Variants in KLHL5 observed in about 807,000 individuals in gnomAD.
KLHL5 encodes kelch like family member 5, also known as kelch-like protein 5.
Under a neutral mutation model 77.7 loss-of-function variants are expected in KLHL5, and 48 were observed. The ratio of observed to expected loss-of-function variants is 0.62; its 90% CI spans 0.49 to 0.79. The LOEUF is 0.79. KLHL5 is among the 30% of genes least tolerant of loss of function. KLHL5 has a pLI of 0.00. For synonymous variants in KLHL5, 260 were observed against 297.0 expected, an observed-to-expected ratio of 0.88 and a Z score of 1.28; for missense variants, 723 against 859.7, an observed-to-expected ratio of 0.84 and a Z score of 1.99.
Position 39,062,907 on chromosome 4 carries a change from A to G in KLHL5, c.255A>G (p.Ala85=), listed in dbSNP as rs1359424387. Residue 85 remains alanine (A), a synonymous_variant, in exon 1 of 11, where the codon GCA becomes GCG. Transcript: ENST00000504108. ...AGAATTCACCTTCTTGGCCAATGGC[A>G]TCCACCTCTGAAGTCCCTGCATTTG... ...DFQNSPSWPM[A]STSEVPAFEF... The G allele has an allele frequency of 5.6e-6, 9 of 1,614,196 alleles. No homozygotes were observed. The highest frequency in any genetic ancestry group is 6.8e-6 in the Non-Finnish European group (8 of 1,180,020).
At chr4:39,059,207 G>A (rs1047879415), upstream of KLHL5, among the ~76,000 whole-genome samples, 1 of 151,944 alleles carries the variant, frequency 6.6e-6, no homozygotes, top group Admixed American at 6.6e-5. Flanking sequence ...ATGCCATAAA[G>A]GCATTAATGT....
At chr4:39,049,658 C>G (rs904545562) in intron 1 of KLHL5, among the ~76,000 whole-genome samples, 2 of 151,632 alleles carry the variant, frequency 1.3e-5, no homozygotes, top group Admixed American at 1.3e-4. Flanking sequence ...ATGATCAGGC[C>G]ACTGCCCTCC....
chr4:39,050,823 G>A (rs903522742), intron 1 of KLHL5, among the ~76,000 whole-genome samples: 1 of 152,230 alleles, frequency 6.6e-6, no homozygotes, highest in African/African-American at 2.4e-5. Flanking sequence ...GGCTGATTAT[G>A]ATAATCAGGA....
chr4:39,142,509 C>G, the KLHL5 span, among the ~76,000 whole-genome samples: 1 of 152,036 alleles, frequency 6.6e-6, no homozygotes, highest in South Asian at 2.1e-4. Flanking sequence ...GGAGAAGCAC[C>G]CAGCTGTTCC....
intron 6 of KLHL5, among the ~76,000 whole-genome samples, chr4:39,102,942 C>G (rs992706565): frequency 1.3e-5 from 2 of 152,174 alleles, no homozygotes; most frequent in African/African-American, 4.8e-5. Context: ...CAGTAGGATA[C>G]TGTTAGCAGA....
At chr4:39,062,190 A>G, upstream of KLHL5, 3 of 956,912 alleles carry the variant, frequency 3.1e-6, no homozygotes, top group Non-Finnish European at 3.8e-6. Flanking sequence ...TTATTGTTTC[A>G]GCAATGAAAG....
intron 2 of KLHL5, among the ~76,000 whole-genome samples, chr4:39,076,491 G>A (rs1719055623): frequency 1.3e-5 from 2 of 152,104 alleles, no homozygotes; most frequent in South Asian, 4.1e-4. Context: ...ATATTTAGAA[G>A]AAGAAAAGCT....
intron 1 of KLHL5, among the ~76,000 whole-genome samples, chr4:39,072,080 C>T (rs1718528845): frequency 1.3e-5 from 2 of 152,000 alleles, no homozygotes; most frequent in Non-Finnish European, 2.9e-5. Context: ...ACTGAGTTTA[C>T]TAAAAGCCAT....
chr4:39,130,982 A>G (rs962330390), downstream of KLHL5, among the ~76,000 whole-genome samples: 1 of 150,530 alleles, frequency 6.6e-6, no homozygotes, highest in Non-Finnish European at 1.5e-5. Flanking sequence ...ACCTGGGACT[A>G]CAGGCATGCA....
downstream of KLHL5, among the ~76,000 whole-genome samples, chr4:39,127,679 G>C (rs1239095374): frequency 6.6e-6 from 1 of 151,996 alleles, no homozygotes; most frequent in Non-Finnish European, 1.5e-5. Context: ...TACCCAGGCT[G>C]GTTTCAGACT....
chr4:39,092,700 A>T (rs903868625), intron 5 of KLHL5, among the ~76,000 whole-genome samples: 2 of 152,178 alleles, frequency 1.3e-5, no homozygotes, highest in Non-Finnish European at 2.9e-5. Flanking sequence ...TAGTTTCCAA[A>T]TACCACCAAC....
chr4:39,073,630 G>T (rs1159932885), intron 1 of KLHL5, among the ~76,000 whole-genome samples: 1 of 151,518 alleles, frequency 6.6e-6, no homozygotes, highest in Non-Finnish European at 1.5e-5. Context: ...AAATCTTCAA[G>T]TTATTATTAT....
intron 8 of KLHL5, among the ~76,000 whole-genome samples, chr4:39,108,962 C>G (rs1722243823): frequency 6.6e-6 from 1 of 151,952 alleles, no homozygotes; most frequent in Non-Finnish European, 1.5e-5. Context: ...ACTTACTTAC[C>G]TTTTCTTGCC....
chr4:39,113,287 T>C (rs1031689498), intron 9 of KLHL5, 55 bp downstream of exon 9: 4 of 1,361,166 alleles, frequency 2.9e-6, no homozygotes, highest in Non-Finnish European at 4.1e-6. Flanking sequence ...AAGTCTCTGA[T>C]ACTTACATAT....
intron 5 of KLHL5, 24 bp downstream of exon 5, chr4:39,086,751 A>G: frequency 1.9e-6 from 3 of 1,557,760 alleles, no homozygotes; most frequent in Non-Finnish European, 2.7e-6. Flanking sequence ...ACTTGTTTAT[A>G]GGAATTTTTC....
intron 1 of KLHL5, among the ~76,000 whole-genome samples, chr4:39,054,607 A>G (rs1716886974): frequency 6.6e-6 from 1 of 152,232 alleles, no homozygotes; most frequent in African/African-American, 2.4e-5. Flanking sequence ...AGGTGAAGTG[A>G]TTTGCCCAAA....
At chr4:39,130,477 G>A (rs1367212302), downstream of KLHL5, among the ~76,000 whole-genome samples, 2 of 152,184 alleles carry the variant, frequency 1.3e-5, no homozygotes, top group East Asian at 1.9e-4. Context: ...ACATGTCACA[G>A]TGCTGCAGAG....
rs143433133 is a variant in KLHL5 at position 39,081,208 on chromosome 4, G to A, written c.672G>A (p.Ser224=). The part of the protein sequence containing the change: ...EIKMEGVEPN[S]LWSLIQYAYT... ...AAATGGAAGGTGTAGAACCAAATTC[G>A]TTGTGGTCCTTGATCCAGTATGCTT... Residue 224 remains serine, a synonymous_variant, in exon 3 of 11, where the codon TCG becomes TCA. Transcript: ENST00000504108. This position sits in a 1 kb window ranked among gnomAD's most constrained non-coding sequence, Gnocchi z 4.3. The A allele has an allele frequency of 7.8e-4, 1,265 of 1,612,280 alleles. 3 individuals are homozygous for A. Among genetic ancestry groups the A allele is most frequent in the Non-Finnish European group, 9.9e-4 (1,169 of 1,179,232 alleles).
At chr4:39,078,747 G>A (rs1319261528) in intron 2 of KLHL5, among the ~76,000 whole-genome samples, 6 of 152,064 alleles carry the variant, frequency 3.9e-5, no homozygotes, top group Non-Finnish European at 7.4e-5. Flanking sequence ...GGACTTGGGG[G>A]AAAGGGTGGG....
Sources: allele counts gnomAD v4.1 joint callset (sites outside exome capture counted in the v4.1 genomes callset), GRCh38; gene constraint gnomAD v4.1.1; non-coding constraint Gnocchi (gnomAD v3.1); transcripts MANE v1.5; gene names NCBI Gene and HGNC (gene_info 2026-07-23, HGNC 2026-07-21).